The following SLC16A7 variants were observed in gnomAD, a reference collection of about 807,000 sequenced individuals.
SLC16A7 encodes the protein solute carrier family 16 member 7.
In SLC16A7, 33 loss-of-function variants were observed where a neutral mutation model predicts 34.9. The observed-to-expected ratio is 0.94, with a 90% CI of 0.72 to 1.26. The LOEUF is 1.26. Among genes scored for constraint, SLC16A7 ranks in the 50% most tolerant of loss-of-function variants. The pLI, the probability that SLC16A7 is intolerant of heterozygous loss-of-function variation, is 0.00. For synonymous variants in SLC16A7, 201 were observed against 206.6 expected (o/e 0.97, Z 0.23); for missense variants, 573 against 578.1 (o/e 0.99, Z 0.09).
intron 4 of SLC16A7, 114 bp from the exon 5 acceptor site, chr12:59,774,543 A>G: frequency 3.3e-6 from 2 of 613,826 alleles, no homozygotes; most frequent in Non-Finnish European, 5.7e-6. Flanking sequence ...ACTATATGAT[A>G]TTGCGTTTTT....
chr12:59,613,199 A>G (rs891141647), intron 1 of SLC16A7, among the ~76,000 whole-genome samples: 3 of 152,280 alleles, frequency 2.0e-5, no homozygotes, highest in Non-Finnish European at 4.4e-5. Context: ...CCTTCTTCAC[A>G]TGATGGCAGG....
At chr12:59,690,528 G>T (rs1277151571) in intron 2 of SLC16A7, among the ~76,000 whole-genome samples, 1 of 151,938 alleles carries the variant, frequency 6.6e-6, no homozygotes, top group Non-Finnish European at 1.5e-5. Flanking sequence ...TAAAAAGAAA[G>T]AAGAGTGTAG....
chr12:59,729,152 T>C (rs1876638208), intron 3 of SLC16A7, among the ~76,000 whole-genome samples: 1 of 152,270 alleles, frequency 6.6e-6, no homozygotes, highest in Non-Finnish European at 1.5e-5. Context: ...GTTTGCATAA[T>C]TGAGTTAATA....
At position 59,612,588 on chromosome 12, in the gene SLC16A7, G is replaced by A. The variant is rs544663351; in HGVS notation, c.-130+16352G>A. Among the ~76,000 whole-genome samples, 247 of 152,266 alleles carry A rather than the reference G, an allele frequency of 1.6e-3. 1 individual carries two copies. The highest frequency in any genetic ancestry group is 5.3e-3 in the African/African-American group (219 of 41,562). ...TACAGCCTGCCTGAATTTCTCCCCA[G>A]AAAATGGAGTTTTCTTTTCTATCAC... On this transcript the variant is annotated intron_variant, in intron 1 of 5. Transcript: ENST00000547379.
intron 1 of SLC16A7, among the ~76,000 whole-genome samples, chr12:59,604,696 G>A (rs942207262): frequency 2.6e-5 from 4 of 152,324 alleles, no homozygotes; most frequent in Non-Finnish European, 4.4e-5. Context: ...GAGCACAGAG[G>A]TGAAGTATTT....
At chr12:59,615,542 G>A (rs1298099761) in intron 1 of SLC16A7, among the ~76,000 whole-genome samples, 2 of 152,156 alleles carry the variant, frequency 1.3e-5, no homozygotes, top group African/African-American at 4.8e-5. Context: ...AGGCCTATGT[G>A]TCAAGACTGG....
chr12:59,761,143 T>A, intron 3 of SLC16A7: 2 of 1,285,358 alleles, frequency 1.6e-6, no homozygotes. Flanking sequence ...TTTGAAAGCT[T>A]TTTGATCTTC....
intron 3 of SLC16A7, among the ~76,000 whole-genome samples, chr12:59,722,163 ATCT>A (rs1875684014): frequency 6.6e-6 from 1 of 151,974 alleles, no homozygotes; most frequent in Non-Finnish European, 1.5e-5. Flanking sequence ...CCTAAAATTC[ATCT>A]TCTGAAATTC....
At chr12:59,640,336 A>G (rs1278410495) in intron 1 of SLC16A7, among the ~76,000 whole-genome samples, 2 of 152,164 alleles carry the variant, frequency 1.3e-5, no homozygotes, top group African/African-American at 2.4e-5. Flanking sequence ...GGGACATTTC[A>G]TGATTAGAAC....
chr12:59,663,444 A>G (rs774138247), intron 2 of SLC16A7, among the ~76,000 whole-genome samples: 1 of 152,068 alleles, frequency 6.6e-6, no homozygotes, highest in Admixed American at 6.6e-5. Context: ...ACTTTGAGGT[A>G]TATGTACAGG....
rs150504991 is a variant in SLC16A7 at position 59,646,481 on chromosome 12, A to G, written c.-129-8671A>G. Reference sequence around the variant, plus strand: ...TTCAGGTTTGGAGACCTCCACCTAGATTTCAGAGGATGTATGGAAATGCCT... The same window carrying G: ...TTCAGGTTTGGAGACCTCCACCTAGGTTTCAGAGGATGTATGGAAATGCCT... On this transcript the variant is annotated intron_variant, in intron 1 of 5. Coordinates refer to ENST00000547379, the MANE Select transcript of SLC16A7 (RefSeq NM_001270623.2). 2.2e-4 allele frequency among the ~76,000 whole-genome samples: 34 copies of G among 152,294 alleles called. No homozygotes were observed. The East Asian group carries it at 6.6e-3, about 29-fold the overall frequency.
intron 1 of SLC16A7, among the ~76,000 whole-genome samples, chr12:59,605,070 A>G (rs963658305): frequency 1.3e-5 from 2 of 152,066 alleles, no homozygotes; most frequent in African/African-American, 4.8e-5. Context: ...CCAGGATGGT[A>G]TTGATCTCCT....
chr12:59,603,759 T>C lies in SLC16A7; in HGVS notation c.-130+7523T>C, dbSNP rs11173100. Among the ~76,000 whole-genome samples, 116 of 152,366 alleles carry C rather than the reference T, an allele frequency of 7.6e-4. 2 individuals are homozygous for C. In the East Asian group the frequency reaches 0.021, roughly 28 times the overall value. On this transcript the variant is annotated intron_variant, in intron 1 of 5. Transcript: ENST00000547379. The stretch of plus-strand genomic sequence containing the variant: ...TCATATTTATGTCATCTTTAGCATT[T>C]TGGTGGATTATAGAGTTGCAAGAAA...
At chr12:59,653,939 T>G (rs561274125) in intron 1 of SLC16A7, among the ~76,000 whole-genome samples, 1 of 151,720 alleles carries the variant, frequency 6.6e-6, no homozygotes, top group Non-Finnish European at 1.5e-5. Context: ...TTTTCTTGAT[T>G]ACATCTCAAA....
intron 3 of SLC16A7, among the ~76,000 whole-genome samples, chr12:59,756,098 AAATT>A (rs1313394220): frequency 6.6e-6 from 1 of 152,222 alleles, no homozygotes; most frequent in African/African-American, 2.4e-5. Flanking sequence ...CCTTATACAA[AAATT>A]AATTCAAGAT....
intron 1 of SLC16A7, among the ~76,000 whole-genome samples, chr12:59,652,327 C>T (rs752580386): frequency 6.6e-6 from 1 of 151,852 alleles, no homozygotes; most frequent in Non-Finnish European, 1.5e-5. Flanking sequence ...GAATGAGCAC[C>T]TTTGCAAAAA....
intron 1 of SLC16A7, among the ~76,000 whole-genome samples, chr12:59,631,623 G>A (rs1283238683): frequency 1.3e-5 from 2 of 152,092 alleles, no homozygotes; most frequent in East Asian, 3.9e-4. Flanking sequence ...ATGGTGGTTT[G>A]CTGCACAGAT....
chr12:59,674,304 A>C (rs1592473070), intron 2 of SLC16A7, among the ~76,000 whole-genome samples: 1 of 152,166 alleles, frequency 6.6e-6, no homozygotes, highest in Admixed American at 6.6e-5. Flanking sequence ...GGCATAGACT[A>C]TATCTTGTTT....
intron 5 of SLC16A7, among the ~76,000 whole-genome samples, chr12:59,777,337 C>CTATAG (rs1882859211): frequency 6.6e-6 from 1 of 152,108 alleles, no homozygotes; most frequent in Non-Finnish European, 1.5e-5. Flanking sequence ...GGCTTCTTCT[C>CTATAG]TATAGTATTT....
Sources: gnomAD v4.1 joint callset for allele counts (sites outside exome capture counted in the v4.1 genomes callset) on GRCh38, gnomAD v4.1.1 for gene constraint, MANE v1.5 for transcripts, NCBI Gene and HGNC (gene_info 2026-07-23, HGNC 2026-07-21) for gene names.